PTPN14: variants seen among roughly 807,000 people sequenced by gnomAD.
PTPN14 encodes protein tyrosine phosphatase non-receptor type 14.
In PTPN14, 53 loss-of-function variants were observed where a neutral mutation model predicts 126.8. That is an observed-to-expected ratio of 0.42 (90% confidence interval 0.34 to 0.53). PTPN14 has a LOEUF of 0.53. PTPN14 is among the 20% of genes least tolerant of loss of function. The pLI is 0.08. For synonymous variants in PTPN14, 630 were observed against 599.3 expected (o/e 1.05, Z -0.75); for missense variants, 1,257 against 1,552.9 (o/e 0.81, Z 3.20).
At chr1:214,481,711 C>T (rs1450104105) in intron 1 of PTPN14, among the ~76,000 whole-genome samples, 1 of 151,716 alleles carries the variant, frequency 6.6e-6, no homozygotes, top group African/African-American at 2.4e-5. Context: ...ATGAGCTAGG[C>T]GCGGTGGCTC....
chr1:214,371,966 T>G (rs1658228760), intron 16 of PTPN14, among the ~76,000 whole-genome samples: 1 of 152,166 alleles, frequency 6.6e-6, no homozygotes, highest in Non-Finnish European at 1.5e-5. Flanking sequence ...CACATGAAAC[T>G]AGTCCCTTGA....
At chr1:214,390,899 A>G (rs1658734331) in intron 11 of PTPN14, 89 bp downstream of exon 11, 13 of 1,132,240 alleles carry the variant, frequency 1.1e-5, no homozygotes, top group Non-Finnish European at 1.2e-5. Context: ...TCACCTCATC[A>G]TGATGCCCTC....
At chr1:214,391,073 T>C (rs1286076763) in intron 10 of PTPN14, 28 bp from the exon 11 acceptor site, 10 of 1,508,806 alleles carry the variant, frequency 6.6e-6, no homozygotes, top group Non-Finnish European at 8.2e-6. Flanking sequence ...AAAATGAGAA[T>C]GGTTATTATT....
chr1:214,540,149 T>G (rs765398945), intron 1 of PTPN14, among the ~76,000 whole-genome samples: 2 of 152,104 alleles, frequency 1.3e-5, no homozygotes, highest in Admixed American at 6.6e-5. Context: ...AAAAGCACAA[T>G]CCACCCAGGA....
intron 2 of PTPN14, among the ~76,000 whole-genome samples, chr1:214,463,865 A>C (rs146435737): frequency 6.6e-6 from 1 of 152,332 alleles, no homozygotes; most frequent in African/African-American, 2.4e-5. Context: ...AATATGTCAG[A>C]CAGCTCTCAA....
At chr1:214,369,889 CA>C (rs1210520154) in intron 16 of PTPN14, among the ~76,000 whole-genome samples, 198 bp from the exon 17 acceptor site, 3 of 152,182 alleles carry the variant, frequency 2.0e-5, no homozygotes, top group African/African-American at 7.2e-5. Flanking sequence ...ACAGTTACAT[CA>C]ATGGAAAATT....
chr1:214,409,671 C>T (rs1279061372), intron 5 of PTPN14, among the ~76,000 whole-genome samples: 2 of 152,010 alleles, frequency 1.3e-5, no homozygotes, highest in Non-Finnish European at 2.9e-5. Context: ...GGAAGTTATA[C>T]CTCCTTTACT....
At chr1:214,358,416 G>A (rs1657877200) in intron 18 of PTPN14, among the ~76,000 whole-genome samples, 1 of 152,070 alleles carries the variant, frequency 6.6e-6, no homozygotes, top group Non-Finnish European at 1.5e-5. Flanking sequence ...ACAGGCGTGG[G>A]CCACCACACC....
chr1:214,516,510 A>C (rs1324214337), intron 1 of PTPN14, among the ~76,000 whole-genome samples: 1 of 152,228 alleles, frequency 6.6e-6, no homozygotes, highest in Non-Finnish European at 1.5e-5. Flanking sequence ...AAAAGCAGAC[A>C]GTTTATTAAG....
intron 2 of PTPN14, 21 bp downstream of exon 2, chr1:214,464,607 GCA>G: frequency 6.2e-7 from 1 of 1,610,820 alleles, no homozygotes; most frequent in Non-Finnish European, 8.5e-7. Context: ...GCGCACATGC[GCA>G]CACAGACACA....
At chr1:214,415,687 T>C (rs1659410335) in intron 3 of PTPN14, among the ~76,000 whole-genome samples, 1 of 152,180 alleles carries the variant, frequency 6.6e-6, no homozygotes, top group Non-Finnish European at 1.5e-5. Flanking sequence ...ACCATGTTGA[T>C]GTCACAGGCA....
chr1:214,382,878 A>G (rs1658506396), intron 13 of PTPN14, among the ~76,000 whole-genome samples: 1 of 152,242 alleles, frequency 6.6e-6, no homozygotes. Context: ...CACAGTCCAG[A>G]CAATACTGGT....
intron 5 of PTPN14, among the ~76,000 whole-genome samples, chr1:214,410,601 CT>C (rs143942464): frequency 3.3e-5 from 5 of 152,108 alleles, no homozygotes; most frequent in Admixed American, 3.3e-4. Flanking sequence ...ACATTTAAGT[CT>C]TTAATACATT....
At chr1:214,439,698 C>CATT (rs768470286) in intron 3 of PTPN14, among the ~76,000 whole-genome samples, 4 of 152,152 alleles carry the variant, frequency 2.6e-5, no homozygotes, top group Non-Finnish European at 5.9e-5. Flanking sequence ...AAAGCAGTAT[C>CATT]ATTATTTGAG....
chr1:214,362,645 C>T (rs890147787), intron 18 of PTPN14, among the ~76,000 whole-genome samples: 2 of 152,284 alleles, frequency 1.3e-5, no homozygotes, highest in East Asian at 1.9e-4. Flanking sequence ...AATAGTCTTT[C>T]GTGTCAGACA....
At position 214,505,501 on chromosome 1, in the gene PTPN14, G is replaced by C. The variant is rs566999436; in HGVS notation, c.-154-40544C>G. 1.4e-4 allele frequency among the ~76,000 whole-genome samples: 22 copies of C among 152,318 alleles called. 1 individual carries two copies. The South Asian group carries it at 3.9e-3, about 27-fold the overall frequency. ...ACACAGTGGTGGAGCTGCCAGCTGC[G>C]ATGTAAGGAGCTGAGGACGGAATGG... On this transcript the variant is annotated intron_variant, in intron 1 of 18. Coordinates refer to ENST00000366956, the MANE Select transcript of PTPN14 (RefSeq NM_005401.5).
chr1:214,477,342 G>T (rs1280190866), intron 1 of PTPN14, among the ~76,000 whole-genome samples: 1 of 152,142 alleles, frequency 6.6e-6, no homozygotes, highest in Admixed American at 6.5e-5. Flanking sequence ...CTCATTAAAG[G>T]TATACTGCGG....
At chr1:214,458,223 AT>A (rs374781467) in intron 2 of PTPN14, among the ~76,000 whole-genome samples, 2 of 151,580 alleles carry the variant, frequency 1.3e-5, no homozygotes, top group Admixed American at 1.3e-4. Flanking sequence ...CTAATTTTTT[AT>A]TTTTTTTGTA....
chr1:214,383,054 A>T lies in PTPN14; in HGVS notation c.2544+257T>A, dbSNP rs1388201442. Among the ~76,000 whole-genome samples the T allele has an allele frequency of 6.6e-6, 1 of 152,228 alleles. No individual in the cohort carries two copies. Among genetic ancestry groups the T allele is most frequent in the African/African-American group, 2.4e-5 (1 of 41,466 alleles). On this transcript the variant is annotated intron_variant, in intron 13 of 18. Coordinates refer to ENST00000366956, the MANE Select transcript of PTPN14 (RefSeq NM_005401.5). The surrounding 1 kb of genome is among the most constrained non-coding windows in gnomAD (Gnocchi z 4.4). ...TACCCAATTGGAAGTCTGAGCTTTG[A>T]ATAAACAGCAAAATGCTGGCTGAGG...
Sources: allele counts gnomAD v4.1 joint callset (sites outside exome capture counted in the v4.1 genomes callset), GRCh38; gene constraint gnomAD v4.1.1; non-coding constraint Gnocchi (gnomAD v3.1); transcripts MANE v1.5; gene names NCBI Gene and HGNC (gene_info 2026-07-23, HGNC 2026-07-21).